Variants in ADAMTS19 observed in about 807,000 individuals in gnomAD.
ADAMTS19 encodes ADAM metallopeptidase with thrombospondin type 1 motif 19, also known as A disintegrin and metalloproteinase with thrombospondin motifs 19.
A neutral mutation model predicts 153.3 loss-of-function variants in ADAMTS19; 93 were observed. That is an observed-to-expected ratio of 0.61 (90% CI 0.51 to 0.72). The LOEUF (loss-of-function observed/expected upper bound fraction) is 0.72. ADAMTS19 is among the 30% of genes least tolerant of loss of function. ADAMTS19 has a pLI of 0.00. For synonymous variants in ADAMTS19, 600 were observed against 556.6 expected, an observed-to-expected ratio of 1.08 and a Z score of -1.10; for missense variants, 1,482 against 1,552.1, an observed-to-expected ratio of 0.95 and a Z score of 0.76.
chr5:129,677,674 C>T (rs770483495), intron 16 of ADAMTS19, among the ~76,000 whole-genome samples: 1 of 152,184 alleles, frequency 6.6e-6, no homozygotes, highest in Non-Finnish European at 1.5e-5. Context: ...TTGATATTTT[C>T]ATCCATTCCC....
intron 11 of ADAMTS19, 152 bp downstream of exon 11, chr5:129,642,112 A>T (rs934690115): frequency 4.8e-6 from 2 of 419,508 alleles, no homozygotes; most frequent in African/African-American, 4.1e-5. Flanking sequence ...CAGTTTTAAC[A>T]TTTATACTTT....
chr5:129,530,098 G>A (rs375099240), intron 6 of ADAMTS19, among the ~76,000 whole-genome samples: 74 of 152,208 alleles, frequency 4.9e-4, no homozygotes, highest in African/African-American at 1.7e-3. Flanking sequence ...TAAAACAGCT[G>A]TAAGCACTCT....
intron 21 of ADAMTS19, among the ~76,000 whole-genome samples, chr5:129,728,898 C>A (rs978410506): frequency 6.6e-6 from 1 of 151,990 alleles, no homozygotes; most frequent in Non-Finnish European, 1.5e-5. Context: ...TTCAAGCAAA[C>A]TGTAATTTTA....
At chr5:129,603,715 C>G (rs911060160) in intron 8 of ADAMTS19, among the ~76,000 whole-genome samples, 1 of 152,168 alleles carries the variant, frequency 6.6e-6, no homozygotes, top group South Asian at 2.1e-4. Context: ...GAATTTTGCA[C>G]TGGCTTAGCA....
In ADAMTS19 at chr5:129,642,030, G is replaced by C. The variant is rs530546164; in HGVS notation, c.1872+70G>C. 148 of 895,602 alleles carry C rather than the reference G, an allele frequency of 1.7e-4. No homozygotes were observed. The African/African-American group carries it at 2.2e-3, about 13-fold the overall frequency. 55.5% of individuals were successfully genotyped at this position (895,602 alleles called of 1,614,324 possible). ...AACTTGAGAATCTTGCATTTTCTCT[G>C]CCAGTTACATTTGTATTCATCTTAG... On this transcript the variant is annotated intron_variant, in intron 11 of 22. Coordinates refer to ENST00000274487, the MANE Select transcript of ADAMTS19 (RefSeq NM_133638.6).
intron 10 of ADAMTS19, among the ~76,000 whole-genome samples, chr5:129,625,936 G>A (rs954353239): frequency 1.3e-5 from 2 of 151,994 alleles, no homozygotes; most frequent in Admixed American, 6.6e-5. Context: ...TGTCCTGAAT[G>A]GTATTACCTA....
intron 6 of ADAMTS19, among the ~76,000 whole-genome samples, chr5:129,536,020 A>G (rs1752407201): frequency 6.6e-6 from 1 of 152,338 alleles, no homozygotes; most frequent in East Asian, 1.9e-4. Context: ...TTCATGTCTA[A>G]AACACCAAAA....
intron 21 of ADAMTS19, among the ~76,000 whole-genome samples, chr5:129,725,094 T>C (rs1449233849): frequency 6.6e-6 from 1 of 152,124 alleles, no homozygotes; most frequent in Non-Finnish European, 1.5e-5. Flanking sequence ...TGCTTTTCAT[T>C]AAAAGAAAAA....
rs574150026 is a variant in ADAMTS19 at position 129,603,605 on chromosome 5, C to A, written c.1478+6941C>A. ...CTAAGTCTAAGATATTGTACAATAT[C>A]TAAATTATCTGGGAAATAATAATTT... On this transcript the variant is annotated intron_variant, in intron 8 of 22. Coordinates refer to ENST00000274487, the MANE Select transcript of ADAMTS19 (RefSeq NM_133638.6). Among the ~76,000 whole-genome samples, 6 of 152,160 alleles carry A rather than the reference C, an allele frequency of 3.9e-5. No individual in the cohort carries two copies. The South Asian group carries it at 1.0e-3, about 26-fold the overall frequency.
chr5:129,734,828 T>A (rs1757594509), intron 21 of ADAMTS19, 104 bp from the exon 22 acceptor site: 1 of 1,052,230 alleles, frequency 9.5e-7, no homozygotes, highest in Admixed American at 3.4e-5. Flanking sequence ...CAGCTCATAT[T>A]TAATTTTAAG....
intron 6 of ADAMTS19, among the ~76,000 whole-genome samples, chr5:129,532,097 G>A (rs955322413): frequency 6.6e-6 from 1 of 152,010 alleles, no homozygotes; most frequent in African/African-American, 2.4e-5. Context: ...CAAGAGGAGG[G>A]CAATGATTTC....
At chr5:129,718,308 T>G (rs1355339810) in intron 21 of ADAMTS19, among the ~76,000 whole-genome samples, 1 of 152,112 alleles carries the variant, frequency 6.6e-6, no homozygotes, top group Non-Finnish European at 1.5e-5. Context: ...ATGTAAACAT[T>G]TTCATTAAAG....
chr5:129,633,631 G>C (rs1752406691), intron 10 of ADAMTS19, among the ~76,000 whole-genome samples: 1 of 152,150 alleles, frequency 6.6e-6, no homozygotes, highest in Non-Finnish European at 1.5e-5. Flanking sequence ...TACAGAAAGA[G>C]TTTGCTGACC....
chr5:129,501,251 A>T (rs1052625142), intron 2 of ADAMTS19, among the ~76,000 whole-genome samples: 1 of 152,184 alleles, frequency 6.6e-6, no homozygotes, highest in African/African-American at 2.4e-5. Context: ...TATTCTACCA[A>T]GTCTGCCATG....
intron 2 of ADAMTS19, among the ~76,000 whole-genome samples, chr5:129,494,628 A>C (rs899636342): frequency 2.6e-5 from 4 of 152,144 alleles, no homozygotes; most frequent in Non-Finnish European, 4.4e-5. Flanking sequence ...TTTAAATATG[A>C]AATCTAATAG....
chr5:129,496,161 A>C (rs1226117486), intron 2 of ADAMTS19, among the ~76,000 whole-genome samples: 1 of 152,048 alleles, frequency 6.6e-6, no homozygotes, highest in Non-Finnish European at 1.5e-5. Context: ...TGTCATTTAG[A>C]ATGGGAATTG....
chr5:129,641,379 G>C (rs1204496777), intron 10 of ADAMTS19, among the ~76,000 whole-genome samples: 2 of 152,130 alleles, frequency 1.3e-5, no homozygotes, highest in Non-Finnish European at 2.9e-5. Context: ...ACTATATTGT[G>C]TCAGGGGTCA....
intron 7 of ADAMTS19, among the ~76,000 whole-genome samples, chr5:129,579,532 G>T (rs989485500): frequency 2.0e-5 from 3 of 152,128 alleles, no homozygotes; most frequent in African/African-American, 7.2e-5. Flanking sequence ...GTCCTGAATG[G>T]TATTACCTAG....
chr5:129,564,929 CAT>C (rs778276015), intron 7 of ADAMTS19, among the ~76,000 whole-genome samples: 1 of 152,128 alleles, frequency 6.6e-6, no homozygotes, highest in Admixed American at 6.5e-5. Context: ...ATAAGGTAAA[CAT>C]ATATTTTGTA....
Sources: allele counts gnomAD v4.1 joint callset (sites outside exome capture counted in the v4.1 genomes callset), GRCh38; gene constraint gnomAD v4.1.1; transcripts MANE v1.5; gene names NCBI Gene and HGNC (gene_info 2026-07-23, HGNC 2026-07-21).